Variants in YPEL1 observed in about 807,000 individuals in gnomAD.
YPEL1 encodes the protein protein yippee-like 1.
YPEL1 carries 7 observed loss-of-function variants against 17.3 expected under a neutral mutation model. The ratio of observed to expected loss-of-function variants is 0.40; its 90% CI spans 0.23 to 0.76. YPEL1 has a LOEUF of 0.76. YPEL1 is among the 30% of genes least tolerant of loss of function. The pLI is 0.35. For synonymous variants in YPEL1, 59 were observed against 59.6 expected, an observed-to-expected ratio of 0.99 and a Z score of 0.05; for missense variants, 91 against 155.5, an observed-to-expected ratio of 0.59 and a Z score of 2.21.
intron 1 of YPEL1, among the ~76,000 whole-genome samples, chr22:21,716,264 T>C (rs2068222895): frequency 1.3e-5 from 2 of 152,232 alleles, no homozygotes; most frequent in African/African-American, 4.8e-5. Context: ...AACCAACTTT[T>C]TGTAAAACTA....
intron 1 of YPEL1, among the ~76,000 whole-genome samples, chr22:21,730,138 C>T (rs958654570): frequency 2.6e-5 from 4 of 152,080 alleles, no homozygotes; most frequent in East Asian, 1.9e-4. Flanking sequence ...GGCAACAGAG[C>T]GAGACTCCTT....
chr22:21,707,895 C>G (rs1382708632), intron 2 of YPEL1, among the ~76,000 whole-genome samples: 1 of 152,178 alleles, frequency 6.6e-6, no homozygotes, highest in East Asian at 1.9e-4. Flanking sequence ...CAGCTGTGAT[C>G]TATTAAAACT....
Position 21,717,385 on chromosome 22 carries a change from A to AG in YPEL1, c.-164-6478_-164-6477insC, listed in dbSNP as rs201335705. Among the ~76,000 whole-genome samples, 1,297 of 151,932 alleles carry AG rather than the reference A, an allele frequency of 8.5e-3. 22 individuals are homozygous for AG. The highest frequency in any genetic ancestry group is 0.029 in the African/African-American group (1,212 of 41,410). On this transcript the variant is annotated intron_variant, in intron 1 of 4. Coordinates refer to ENST00000339468, the MANE Select transcript of YPEL1 (RefSeq NM_013313.5). ...GAGCAATAGTCCGTCTCAAAAAAAA[A>AG]AAAAAAACAAAAAAACAGTGAGGAA...
intron 1 of YPEL1, among the ~76,000 whole-genome samples, chr22:21,731,191 A>C (rs973033543): frequency 1.3e-5 from 2 of 152,076 alleles, no homozygotes; most frequent in African/African-American, 4.8e-5. Context: ...CAGCCTGGGC[A>C]ACATGGCGAA....
At chr22:21,723,488 C>T (rs2068303793) in intron 1 of YPEL1, among the ~76,000 whole-genome samples, 1 of 152,190 alleles carries the variant, frequency 6.6e-6, no homozygotes. Context: ...CTGCCTCAGC[C>T]TCCAGAGTAG....
chr22:21,706,281 T>TAG (rs1441719432), intron 2 of YPEL1, among the ~76,000 whole-genome samples: 1 of 150,774 alleles, frequency 6.6e-6, no homozygotes, highest in East Asian at 2.0e-4. Flanking sequence ...ATACAAAAAT[T>TAG]AGCTGGGCAT....
chr22:21,716,916 A>T (rs925401681), intron 1 of YPEL1, among the ~76,000 whole-genome samples: 1 of 152,198 alleles, frequency 6.6e-6, no homozygotes, highest in African/African-American at 2.4e-5. Context: ...AGTATATGTA[A>T]CCAACAGCAA....
chr22:21,710,553 ATATTCTTCCAC>A, intron 2 of YPEL1, 64 bp downstream of exon 2: 1 of 1,256,460 alleles, frequency 8.0e-7, no homozygotes. Flanking sequence ...TGATGCTTAA[ATATTCTTCCAC>A]TATGTAGGTA....
Position 21,703,712 on chromosome 22 carries a change from G to GC in YPEL1, c.161+126_161+127insG. On this transcript the variant is annotated intron_variant, in intron 3 of 4. Coordinates refer to ENST00000339468, the MANE Select transcript of YPEL1 (RefSeq NM_013313.5). The surrounding 1 kb of genome is among the most constrained non-coding windows in gnomAD (Gnocchi z 6.1). ...TTAGCGCGTTTCAGAAACTCCCGGC[G>GC]GGGGGATGGTGGGTTCTTTCAGGAC... The GC allele has an allele frequency of 4.5e-6, 5 of 1,108,380 alleles. No homozygotes were observed. Among genetic ancestry groups the GC allele is most frequent in the South Asian group, 1.5e-5 (1 of 65,378 alleles). The allele number at this position is 1,108,380 out of a possible 1,614,324, so 68.7% of individuals were successfully genotyped here.
intron 1 of YPEL1, among the ~76,000 whole-genome samples, chr22:21,729,310 CA>C (rs954126076): frequency 5.5e-5 from 8 of 145,318 alleles, no homozygotes; most frequent in Admixed American, 3.4e-4. Context: ...GATCTTATCT[CA>C]AAAAAAAAGT....
chr22:21,718,325 C>T (rs911279181), intron 1 of YPEL1, among the ~76,000 whole-genome samples: 8 of 151,258 alleles, frequency 5.3e-5, no homozygotes, highest in Non-Finnish European at 1.2e-4. Context: ...ATTAGTGGGG[C>T]GTGGTGGTGG....
chr22:21,729,876 G>A (rs377687103), intron 1 of YPEL1, among the ~76,000 whole-genome samples: 1 of 152,112 alleles, frequency 6.6e-6, no homozygotes, highest in Non-Finnish European at 1.5e-5. Context: ...AGGCTAGCAC[G>A]GTGGCTCACA....
chr22:21,703,955 G>A lies in YPEL1; in HGVS notation c.118-73C>T, dbSNP rs1041981806. 17 of 1,529,158 alleles carry A rather than the reference G, an allele frequency of 1.1e-5. No homozygotes were observed. In the East Asian group the frequency reaches 4.2e-4, roughly 37 times the overall value. 94.7% of individuals were successfully genotyped at this position (1,529,158 alleles called of 1,614,324 possible). A position where few individuals can be genotyped will look rare whatever the true frequency, so the allele number is the denominator to read the frequency against. ...CGAAGCGGTGCTGCCCAGAACCAGG[G>A]GAGTCCAGCCCCGCGGCTGTTAGCT... On this transcript the variant is annotated intron_variant, in intron 2 of 4. Coordinates refer to ENST00000339468, the MANE Select transcript of YPEL1 (RefSeq NM_013313.5). The surrounding 1 kb of genome is among the most constrained non-coding windows in gnomAD (Gnocchi z 6.1).
chr22:21,705,263 G>C (rs769427113), intron 2 of YPEL1, among the ~76,000 whole-genome samples: 3 of 152,214 alleles, frequency 2.0e-5, no homozygotes, highest in Non-Finnish European at 2.9e-5. Context: ...GCAGGCGTGA[G>C]CCACTGCGCC....
Position 21,717,393 on chromosome 22 carries a change from C to A in YPEL1, c.-164-6485G>T, listed in dbSNP as rs867287027. On this transcript the variant is annotated intron_variant, in intron 1 of 4. Transcript: ENST00000339468. The stretch of plus-strand genomic sequence containing the variant: ...GTCCGTCTCAAAAAAAAAAAAAAAA[C>A]AAAAAAACAGTGAGGAAGGTGGAAA... 8.7e-3 allele frequency among the ~76,000 whole-genome samples: 1,191 copies of A among 137,430 alleles called. 11 individuals are homozygous for A. Among genetic ancestry groups the A allele is most frequent in the African/African-American group, 0.026 (952 of 36,460 alleles). 90.2% of individuals were successfully genotyped at this position (137,430 alleles called of 152,430 possible).
At chr22:21,704,197 G>C (rs2068094836) in intron 2 of YPEL1, 2 of 717,824 alleles carry the variant, frequency 2.8e-6, no homozygotes, top group Non-Finnish European at 5.2e-6. Context: ...CTTTACCTTA[G>C]AGGAGTTCTG....
At chr22:21,705,565 C>G (rs902886476) in intron 2 of YPEL1, among the ~76,000 whole-genome samples, 1 of 152,126 alleles carries the variant, frequency 6.6e-6, no homozygotes, top group Non-Finnish European at 1.5e-5. Flanking sequence ...GACTGAAACA[C>G]GATTTGACAA....
chr22:21,709,961 C>A (rs555838581), intron 2 of YPEL1, among the ~76,000 whole-genome samples: 10 of 152,198 alleles, frequency 6.6e-5, no homozygotes, highest in Middle Eastern at 3.4e-3. Context: ...GATGTCATGA[C>A]CTGAGGATGG....
intron 2 of YPEL1, among the ~76,000 whole-genome samples, chr22:21,707,903 A>C (rs2068128796): frequency 1.3e-5 from 2 of 152,160 alleles, no homozygotes; most frequent in South Asian, 4.1e-4. Context: ...ATCTATTAAA[A>C]CTTTGCATAA....
Sources: allele counts gnomAD v4.1 joint callset (sites outside exome capture counted in the v4.1 genomes callset), GRCh38; gene constraint gnomAD v4.1.1; non-coding constraint Gnocchi (gnomAD v3.1); transcripts MANE v1.5; gene names NCBI Gene and HGNC (gene_info 2026-07-23, HGNC 2026-07-21).